The following ELFN1 variants were observed in gnomAD, a reference collection of about 807,000 sequenced individuals.
ELFN1 encodes the protein extracellular leucine rich repeat and fibronectin type III domain containing 1, also known as protein ELFN1.
Under a neutral mutation model 7.6 loss-of-function variants are expected in ELFN1, and 6 were observed. That is an observed-to-expected ratio of 0.79 (90% confidence interval 0.43 to 1.56). ELFN1 has a LOEUF of 1.56. ELFN1 is among the 40% of genes most tolerant of loss of function. The pLI is 0.01. For missense variants in ELFN1, 1,169 were observed against 1,232.2 expected (o/e 0.95, Z 0.77); for synonymous variants, 657 against 588.1 (o/e 1.12, Z -1.70).
rs962375104 is a variant in ELFN1, at chr7:1,735,003, T to C, written c.-293-9301T>C. Among the ~76,000 whole-genome samples the C allele has an allele frequency of 2.6e-5, 4 of 152,176 alleles. No individual in the cohort carries two copies. The highest frequency in any genetic ancestry group is 9.7e-5 in the African/African-American group (4 of 41,442). The stretch of plus-strand genomic sequence containing the variant: ...AGCCACTGCGCCCGCTCCGGGAATC[T>C]GCATTTTTAAGTAGCAGTGGAGTGC... On this transcript the variant is annotated intron_variant, in intron 3 of 3. Transcript: ENST00000424383. This position sits in a 1 kb window ranked among gnomAD's most constrained non-coding sequence, Gnocchi z 5.9.
chr7:1,668,419 T>C (rs1778704068), upstream of ELFN1, among the ~76,000 whole-genome samples: 1 of 152,212 alleles, frequency 6.6e-6, no homozygotes, highest in Non-Finnish European at 1.5e-5. Flanking sequence ...AGCACAGGCC[T>C]GGGGGAACCT....
Position 1,747,234 on chromosome 7 carries a change from A to C in ELFN1, c.*151A>C. On this transcript the variant is annotated 3_prime_UTR_variant, in exon 4 of 4. Transcript: ENST00000424383. ...GAGGGGGGAGCGAGTGGGGACAGAC[A>C]AGGGGGACACGTCCCGAGCTCCTGT... 1 of 909,976 alleles carries C rather than the reference A, an allele frequency of 1.1e-6. No individual in the cohort carries two copies. Among genetic ancestry groups the C allele is most frequent in the Non-Finnish European group, 1.5e-6 (1 of 645,908 alleles). 56.4% of individuals were successfully genotyped at this position (909,976 alleles called of 1,614,324 possible). A position where few individuals can be genotyped will look rare whatever the true frequency, so the allele number is the denominator to read the frequency against.
chr7:1,722,567 G>A (rs796797178), intron 3 of ELFN1, among the ~76,000 whole-genome samples: 34 of 151,816 alleles, frequency 2.2e-4, no homozygotes, highest in African/African-American at 8.0e-4. Flanking sequence ...CACCGCGCCT[G>A]GGCAGGAGCC....
rs531499312 is a variant in ELFN1 at position 1,670,591 on chromosome 7, G to A, written c.-549+237G>A. Among the ~76,000 whole-genome samples the A allele has an allele frequency of 6.6e-6, 1 of 152,206 alleles. No homozygotes were observed. Among genetic ancestry groups the A allele is most frequent in the African/African-American group, 2.4e-5 (1 of 41,550 alleles). The stretch of plus-strand genomic sequence containing the variant: ...GCGCAGGCTCAGCCCGACAAAGCCC[G>A]GGGGCCCGGGTCGGGGTCGCTGCCG... On this transcript the variant is annotated intron_variant, in intron 1 of 3. Transcript: ENST00000424383. This position sits in a 1 kb window ranked among gnomAD's most constrained non-coding sequence, Gnocchi z 6.4.
intron 3 of ELFN1, among the ~76,000 whole-genome samples, chr7:1,717,126 T>G (rs1466063129): frequency 6.6e-6 from 1 of 152,148 alleles, no homozygotes; most frequent in Non-Finnish European, 1.5e-5. Flanking sequence ...ACCACAGCCC[T>G]GAGCGATAGG....
At chr7:1,668,206 C>T (rs1411853936), upstream of ELFN1, among the ~76,000 whole-genome samples, 1 of 152,262 alleles carries the variant, frequency 6.6e-6, no homozygotes, top group East Asian at 1.9e-4. Flanking sequence ...TGGGGTCAGG[C>T]AGTACCGGTC....
chr7:1,667,976 G>C (rs1018201707), upstream of ELFN1, among the ~76,000 whole-genome samples: 1 of 139,754 alleles, frequency 7.2e-6, no homozygotes, highest in African/African-American at 2.5e-5. The surrounding 1 kb of genome is among the most constrained non-coding windows in gnomAD (Gnocchi z 8.2). Context: ...GGGGGGGGGG[G>C]GCGGCCGCGA....
chr7:1,670,432 G>GC lies in ELFN1; in HGVS notation c.-549+84dup, dbSNP rs924111982. Among the ~76,000 whole-genome samples the GC allele has an allele frequency of 6.6e-6, 1 of 151,632 alleles. No individual in the cohort carries two copies. Among genetic ancestry groups the GC allele is most frequent in the Non-Finnish European group, 1.5e-5 (1 of 67,852 alleles). On this transcript the variant is annotated intron_variant, in intron 1 of 3. Transcript: ENST00000424383. The surrounding 1 kb of genome is among the most constrained non-coding windows in gnomAD (Gnocchi z 6.4). ...CACCCCCGGGGAGCGGCGCGGCCAA[G>GC]CCCCCCGCCACCTCGAACCCCGGGC...
upstream of ELFN1, among the ~76,000 whole-genome samples, chr7:1,667,745 C>T (rs550551297): frequency 6.6e-5 from 10 of 152,328 alleles, no homozygotes; most frequent in East Asian, 7.7e-4. This position sits in a 1 kb window ranked among gnomAD's most constrained non-coding sequence, Gnocchi z 8.2. Context: ...AGGTTCCAAC[C>T]TCCCAGCTTC....
intron 3 of ELFN1, among the ~76,000 whole-genome samples, chr7:1,725,514 C>T (rs1562379874): frequency 6.6e-6 from 1 of 152,142 alleles, no homozygotes. Flanking sequence ...GAACACAGGC[C>T]TCCCTCCCGG....
chr7:1,673,578 G>T lies in ELFN1; in HGVS notation c.-549+3224G>T, dbSNP rs570426594. Among the ~76,000 whole-genome samples, 6 of 152,002 alleles carry T rather than the reference G, an allele frequency of 3.9e-5. No individual in the cohort carries two copies. The highest frequency in any genetic ancestry group is 1.4e-4 in the African/African-American group (6 of 41,548). ...CACCTCTTCCAGCCTCCTGGGGAGG[G>T]AGGGCGGGAGGTGAGAGACCACCCT... On this transcript the variant is annotated intron_variant, in intron 1 of 3. Transcript: ENST00000424383. The surrounding 1 kb of genome is among the most constrained non-coding windows in gnomAD (Gnocchi z 4.7).
At chr7:1,675,316 G>C (rs1212122171) in intron 1 of ELFN1, among the ~76,000 whole-genome samples, 1 of 152,228 alleles carries the variant, frequency 6.6e-6, no homozygotes, top group Non-Finnish European at 1.5e-5. Context: ...GCCAGGTGGC[G>C]GCCGAGGGCT....
At chr7:1,712,433 T>A (rs544611649) in intron 3 of ELFN1, among the ~76,000 whole-genome samples, 1 of 151,128 alleles carries the variant, frequency 6.6e-6, no homozygotes, top group African/African-American at 2.4e-5. Flanking sequence ...TTTCCTTTTT[T>A]TTTTTCTTTT....
chr7:1,740,680 C>A lies in ELFN1; in HGVS notation c.-293-3624C>A, dbSNP rs1290989336. 1.3e-5 allele frequency among the ~76,000 whole-genome samples: 2 copies of A among 152,158 alleles called. No individual in the cohort carries two copies. Among genetic ancestry groups the A allele is most frequent in the Non-Finnish European group, 2.9e-5 (2 of 68,014 alleles). ...TGGGGACTCCTGGACCCGGGCCACCCCCCGAACCCCTCCTAGCACAGCACC... is the reference window on the plus strand; with the variant it reads ...TGGGGACTCCTGGACCCGGGCCACCACCCGAACCCCTCCTAGCACAGCACC... On this transcript the variant is annotated intron_variant, in intron 3 of 3. Coordinates refer to ENST00000424383, the MANE Select transcript of ELFN1 (RefSeq NM_001128636.4). This position sits in a 1 kb window ranked among gnomAD's most constrained non-coding sequence, Gnocchi z 5.0.
upstream of ELFN1, among the ~76,000 whole-genome samples, chr7:1,667,237 G>A (rs1778685376): frequency 6.6e-6 from 1 of 151,826 alleles, no homozygotes; most frequent in African/African-American, 2.4e-5. This position sits in a 1 kb window ranked among gnomAD's most constrained non-coding sequence, Gnocchi z 8.2. Flanking sequence ...CCTCCGCCGC[G>A]GGCTGAGCGC....
chr7:1,696,957 C>G (rs1779328212), intron 2 of ELFN1, among the ~76,000 whole-genome samples: 1 of 152,222 alleles, frequency 6.6e-6, no homozygotes, highest in Admixed American at 6.5e-5. Flanking sequence ...GAGCAATGCA[C>G]TAGCAGGGAC....
chr7:1,667,973 G>T (rs1286737327), upstream of ELFN1, among the ~76,000 whole-genome samples: 12 of 140,834 alleles, frequency 8.5e-5, no homozygotes, highest in Admixed American at 6.9e-4. The surrounding 1 kb of genome is among the most constrained non-coding windows in gnomAD (Gnocchi z 8.2). Flanking sequence ...GGTGGGGGGG[G>T]GGGGCGGCCG....
chr7:1,716,503 G>A (rs1219965079), intron 3 of ELFN1, among the ~76,000 whole-genome samples: 2 of 152,206 alleles, frequency 1.3e-5, no homozygotes, highest in Admixed American at 6.5e-5. Flanking sequence ...CTGTGTGTGC[G>A]TGCGTGTTTG....
chr7:1,680,737 A>ATTTT (rs967183963), intron 1 of ELFN1, among the ~76,000 whole-genome samples: 8 of 128,906 alleles, frequency 6.2e-5, no homozygotes, highest in African/African-American at 1.5e-4. Context: ...TGGATTTACA[A>ATTTT]TTTTTTTTTT....
Sources: gnomAD v4.1 joint callset for allele counts (sites outside exome capture counted in the v4.1 genomes callset) on GRCh38, gnomAD v4.1.1 for gene constraint, Gnocchi (gnomAD v3.1) non-coding constraint, MANE v1.5 for transcripts, NCBI Gene and HGNC (gene_info 2026-07-23, HGNC 2026-07-21) for gene names.